The following ARMC2 variants were observed in gnomAD, a reference collection of about 807,000 sequenced individuals.
The protein encoded by ARMC2 is armadillo repeat-containing protein 2.
In ARMC2, 67 loss-of-function variants were observed where a neutral mutation model predicts 90.3. That is an observed-to-expected ratio of 0.74 (90% CI 0.61 to 0.91). The LOEUF is 0.91. ARMC2 is among the 40% of genes least tolerant of loss of function. The pLI is 0.00. For synonymous variants in ARMC2, 393 were observed against 393.0 expected, an observed-to-expected ratio of 1.00 and a Z score of 0.00; for missense variants, 920 against 1,030.9, an observed-to-expected ratio of 0.89 and a Z score of 1.47.
At chr6:108,940,307 C>T (rs1244504826) in intron 12 of ARMC2, among the ~76,000 whole-genome samples, 4 of 152,056 alleles carry the variant, frequency 2.6e-5, no homozygotes, top group South Asian at 2.1e-4. Context: ...AGGTTAACTG[C>T]GGAGGTTTAA....
intron 3 of ARMC2, among the ~76,000 whole-genome samples, chr6:108,859,740 C>G (rs538532864): frequency 6.6e-6 from 1 of 152,152 alleles, no homozygotes; most frequent in Non-Finnish European, 1.5e-5. Context: ...CGTGGTGGCT[C>G]ACGCCTGTAA....
At chr6:108,939,497 C>A (rs1776265777) in intron 12 of ARMC2, among the ~76,000 whole-genome samples, 1 of 152,154 alleles carries the variant, frequency 6.6e-6, no homozygotes, top group Admixed American at 6.5e-5. Context: ...CTTCTTCCTG[C>A]TCTGGCATGT....
chr6:108,895,239 G>A (rs1771479178), intron 6 of ARMC2, among the ~76,000 whole-genome samples: 1 of 150,254 alleles, frequency 6.7e-6, no homozygotes, highest in African/African-American at 2.4e-5. Flanking sequence ...GAGGCAGGCG[G>A]ATCACTTGAG....
intron 4 of ARMC2, among the ~76,000 whole-genome samples, chr6:108,870,298 T>C (rs1255905064): frequency 6.6e-6 from 1 of 152,146 alleles, no homozygotes; most frequent in African/African-American, 2.4e-5. Flanking sequence ...TTATGACTTC[T>C]TGTGAAAAAT....
At chr6:109,043,385 A>C in the ARMC2 span, among the ~76,000 whole-genome samples, 3 of 152,144 alleles carry the variant, frequency 2.0e-5, no homozygotes, top group Admixed American at 6.5e-5. Flanking sequence ...CAGATAAAAA[A>C]CAACAACAAC....
At chr6:108,869,123 TTGGGC>T in intron 4 of ARMC2, 128 bp downstream of exon 4, 1 of 1,027,572 alleles carries the variant, frequency 9.7e-7, no homozygotes, top group Non-Finnish European at 1.3e-6. Context: ...TTAGTTAATA[TTGGGC>T]AAAAGCTGGC....
At chr6:108,992,739 G>T in the ARMC2 span, 1 of 1,189,878 alleles carries the variant, frequency 8.4e-7, no homozygotes, top group South Asian at 1.2e-5. Context: ...TTTTAAGTCA[G>T]ACTGAGATAT....
chr6:109,009,984 C>T, the ARMC2 span, among the ~76,000 whole-genome samples: 1 of 152,244 alleles, frequency 6.6e-6, no homozygotes, highest in Non-Finnish European at 1.5e-5. Context: ...TCCCTTCTTC[C>T]TTTCCCATAA....
chr6:109,029,546 TTC>T, the ARMC2 span, among the ~76,000 whole-genome samples: 4 of 152,206 alleles, frequency 2.6e-5, no homozygotes, highest in African/African-American at 4.8e-5. Flanking sequence ...TCTATTCTGT[TTC>T]TCTTTTAAGA....
Position 108,876,314 on chromosome 6 carries a change from G to A in ARMC2, c.635G>A (p.Gly212Glu). 1 of 1,611,432 alleles carries A rather than the reference G, an allele frequency of 6.2e-7. No homozygotes were observed. Among genetic ancestry groups the A allele is most frequent in the Non-Finnish European group, 8.5e-7 (1 of 1,179,236 alleles). The stretch of plus-strand genomic sequence containing the variant: ...ATAAAGGAGCAAGAAATGTTCAAAG[G>A]AACAACATCTTTACCATCTCATCTC... ...SEIKEQEMFKGTTSLPSHLKN... is the reference protein window; with the variant it reads ...SEIKEQEMFKETTSLPSHLKN... Residue 212 changes from glycine (G) to glutamate (E), a missense_variant, in exon 5 of 18, where the codon GGA becomes GAA. Gly to Glu is a moderately conservative substitution (Grantham distance 98, BLOSUM62 -2). Coordinates refer to ENST00000392644, the MANE Select transcript of ARMC2 (RefSeq NM_032131.6).
chr6:108,997,086 A>G, the ARMC2 span, among the ~76,000 whole-genome samples: 1 of 152,286 alleles, frequency 6.6e-6, no homozygotes, highest in African/African-American at 2.4e-5. Flanking sequence ...GAGCTGAGTC[A>G]GATACTGGAT....
the ARMC2 span, among the ~76,000 whole-genome samples, chr6:109,029,395 A>C: frequency 6.6e-6 from 1 of 152,226 alleles, no homozygotes; most frequent in Non-Finnish European, 1.5e-5. Flanking sequence ...GAGAAGCAGG[A>C]ATGATTTTGC....
At position 108,894,502 on chromosome 6, in the gene ARMC2, G is replaced by T; in HGVS notation, c.707G>T (p.Cys236Phe). 6.2e-7 allele frequency: 1 copy of T among 1,611,700 alleles called. No individual in the cohort carries two copies. Among genetic ancestry groups the T allele is most frequent in the East Asian group, 2.2e-5 (1 of 44,604 alleles). Residue 236 changes from cysteine (C) to phenylalanine (F), a missense_variant, in exon 6 of 18, where the codon TGC becomes TTC. By Grantham distance (205) the Cys-to-Phe change is radical. Transcript: ENST00000392644. Reference protein sequence around the residue: ...QGKRHARASSCPSSSDLSRLQ... With the variant: ...QGKRHARASSFPSSSDLSRLQ... ...AAGAGACATGCGAGGGCCTCATCAT[G>T]CCCCAGTAGCTCAGACCTGAGCAGG...
At chr6:108,940,884 T>C (rs1033807924) in intron 12 of ARMC2, among the ~76,000 whole-genome samples, 2 of 152,280 alleles carry the variant, frequency 1.3e-5, no homozygotes, top group African/African-American at 4.8e-5. Flanking sequence ...CTAGTGAAAC[T>C]AGTTGTCCAG....
chr6:108,942,481 C>G (rs572905331), intron 12 of ARMC2, among the ~76,000 whole-genome samples: 5 of 152,286 alleles, frequency 3.3e-5, no homozygotes, highest in African/African-American at 9.6e-5. Flanking sequence ...GTGTATTGAT[C>G]TGCAGTGGTT....
the ARMC2 span, among the ~76,000 whole-genome samples, chr6:109,047,316 G>A: frequency 2.1e-4 from 24 of 113,104 alleles, no homozygotes; most frequent in African/African-American, 7.2e-4. Flanking sequence ...CCCTCTGCCC[G>A]GCCAGCCGCC....
chr6:108,881,914 T>A (rs941929332), intron 5 of ARMC2, among the ~76,000 whole-genome samples: 10 of 152,204 alleles, frequency 6.6e-5, no homozygotes, highest in African/African-American at 1.9e-4. Context: ...TCGCTCTCTC[T>A]ATGGATCCTT....
chr6:108,869,689 C>A (rs945142834), intron 4 of ARMC2, among the ~76,000 whole-genome samples: 2 of 152,058 alleles, frequency 1.3e-5, no homozygotes, highest in Non-Finnish European at 2.9e-5. Flanking sequence ...CTTCTGATCC[C>A]GTGTGAGCAT....
At chr6:108,985,887 A>AAGAT in the ARMC2 span, among the ~76,000 whole-genome samples, 4 of 152,202 alleles carry the variant, frequency 2.6e-5, no homozygotes, top group East Asian at 1.9e-4. Context: ...AAACATATTG[A>AAGAT]AGATAATAAT....
Sources: gnomAD v4.1 joint callset for allele counts (sites outside exome capture counted in the v4.1 genomes callset) on GRCh38, gnomAD v4.1.1 for gene constraint, MANE v1.5 for transcripts, NCBI Gene and HGNC (gene_info 2026-07-23, HGNC 2026-07-21) for gene names.